NTHL1: variants seen among roughly 807,000 people sequenced by gnomAD.
NTHL1 encodes the protein nth like DNA glycosylase 1, also known as endonuclease III-like protein 1.
In NTHL1, 32 loss-of-function variants were observed where a neutral mutation model predicts 32.3. The observed-to-expected ratio is 0.99, with a 90% CI of 0.75 to 1.33. The LOEUF is 1.33. Among genes scored for constraint, NTHL1 ranks in the 40% most tolerant of loss-of-function variants. The probability of loss-of-function intolerance (pLI) is 0.00; values close to 1 mark genes in which losing one functional copy is unlikely to be tolerated. For missense variants in NTHL1, 501 were observed against 414.1 expected (o/e 1.21, Z -1.82); for synonymous variants, 188 against 176.9 (o/e 1.06, Z -0.50).
Position 2,040,207 on chromosome 16 carries a change from G to C in NTHL1, c.717C>G (p.Asn239Lys), listed in dbSNP as rs1475205147. 1.2e-6 allele frequency: 2 copies of C among 1,613,870 alleles called. No homozygotes were observed. Among genetic ancestry groups the C allele is most frequent in the South Asian group, 2.2e-5 (2 of 91,090 alleles). The part of the protein sequence containing the change: ...AVDTHVHRIA[N>K]RLRWTKKATK... ...TTGCCTTCTTGGTCCACCTCAGCCT[G>C]TTGGCGATTCTGTGCACATGCGTGT... The change falls in exon 5 of 6, where the codon AAC becomes AAG. Residue 239 changes from asparagine to lysine, a missense_variant. Coordinates refer to ENST00000651570, the MANE Select transcript of NTHL1 (RefSeq NM_002528.7).
intron 4 of NTHL1, among the ~76,000 whole-genome samples, chr16:2,040,993 G>C (rs1335666407): frequency 6.6e-6 from 1 of 152,218 alleles, no homozygotes; most frequent in Non-Finnish European, 1.5e-5. Context: ...GTCCACCTGG[G>C]TTCTGGCTCC....
chr16:2,043,192 A>T lies in NTHL1; in HGVS notation c.685+375T>A, dbSNP rs2084292704. ...TTGCTCTGCAGCTCTCAGGTGAAGGATGACCTTGGGGGCCTTCCCAGAGGC... is the reference window on the plus strand; with the variant it reads ...TTGCTCTGCAGCTCTCAGGTGAAGGTTGACCTTGGGGGCCTTCCCAGAGGC... On this transcript the variant is annotated intron_variant, in intron 4 of 5. Transcript: ENST00000651570. The surrounding 1 kb of genome is among the most constrained non-coding windows in gnomAD (Gnocchi z 4.4). 6.6e-6 allele frequency among the ~76,000 whole-genome samples: 1 copy of T among 151,028 alleles called. No individual in the cohort carries two copies. Among genetic ancestry groups the T allele is most frequent in the African/African-American group, 2.4e-5 (1 of 40,986 alleles).
At position 2,043,774 on chromosome 16, in the gene NTHL1, A is replaced by T. The variant is rs1265770362; in HGVS notation, c.526-48T>A. 1 of 1,605,112 alleles carries T rather than the reference A, an allele frequency of 6.2e-7. No homozygotes were observed. Among genetic ancestry groups the T allele is most frequent in the South Asian group, 1.1e-5 (1 of 90,914 alleles). ...GCCTTGGAGGCAAGGGCACAGCCCA[A>T]CCTGGGAGGATGCAGCCCCCAGGAG... On this transcript the variant is annotated intron_variant, in intron 3 of 5. Transcript: ENST00000651570. This position sits in a 1 kb window ranked among gnomAD's most constrained non-coding sequence, Gnocchi z 4.4.
intron 2 of NTHL1, 118 bp downstream of exon 2, chr16:2,046,010 C>G (rs2150943852): frequency 1.3e-6 from 1 of 776,688 alleles, no homozygotes; most frequent in East Asian, 2.4e-5. Context: ...CACCGGGTGT[C>G]CATCCTCCCA....
intron 2 of NTHL1, among the ~76,000 whole-genome samples, chr16:2,045,427 C>T (rs2084332019): frequency 1.3e-5 from 2 of 152,154 alleles, no homozygotes; most frequent in African/African-American, 2.4e-5. Flanking sequence ...AATCATCACA[C>T]TACCCTTTAA....
chr16:2,040,444 A>G lies in NTHL1; in HGVS notation c.686-206T>C. 6.3e-6 allele frequency: 4 copies of G among 634,514 alleles called. No individual in the cohort carries two copies. In the South Asian group the frequency reaches 7.1e-5, roughly 11 times the overall value. The allele number at this position is 634,514 out of a possible 1,614,324, so 39.3% of individuals were successfully genotyped here. On this transcript the variant is annotated intron_variant, in intron 4 of 5. Coordinates refer to ENST00000651570, the MANE Select transcript of NTHL1 (RefSeq NM_002528.7). ...GGGGCTGAGCCCTCTGTTGGGGTGC[A>G]GGCCTCTCTCCCATCACCTGAGCCA...
At position 2,044,310 on chromosome 16, in the gene NTHL1, GGGGT is replaced by G. The variant is rs1271261726; in HGVS notation, c.525+316_525+319del. Among the ~76,000 whole-genome samples, 1 of 152,224 alleles carries G rather than the reference GGGGT, an allele frequency of 6.6e-6. No individual in the cohort carries two copies. The highest frequency in any genetic ancestry group is 1.5e-5 in the Non-Finnish European group (1 of 68,034). On this transcript the variant is annotated intron_variant, in intron 3 of 5. Transcript: ENST00000651570. This position sits in a 1 kb window ranked among gnomAD's most constrained non-coding sequence, Gnocchi z 5.0. Reference sequence around the variant, plus strand: ...GAGGGTGAGGGGCTCTGGACAGGAGGGGGTGACACACCGGGAGAGGCTAGCAGTA... The same window carrying G: ...GAGGGTGAGGGGCTCTGGACAGGAGGGACACACCGGGAGAGGCTAGCAGTA...
At position 2,043,217 on chromosome 16, in the gene NTHL1, C is replaced by T. The variant is rs1214053296; in HGVS notation, c.685+350G>A. Among the ~76,000 whole-genome samples the T allele has an allele frequency of 4.6e-5, 7 of 151,696 alleles. No individual in the cohort carries two copies. The highest frequency in any genetic ancestry group is 1.0e-4 in the Non-Finnish European group (7 of 67,922). On this transcript the variant is annotated intron_variant, in intron 4 of 5. Transcript: ENST00000651570. This position sits in a 1 kb window ranked among gnomAD's most constrained non-coding sequence, Gnocchi z 4.4. The stretch of plus-strand genomic sequence containing the variant: ...ATGACCTTGGGGGCCTTCCCAGAGG[C>T]CCTGGGCCCAAGCCAGGCCCCAAGA...
chr16:2,043,658 G>C lies in NTHL1; in HGVS notation c.594C>G (p.Ala198=), dbSNP rs1372740198. Reference sequence around the variant, plus strand: ...GCAGCGCCACCAGCTCGGCCACAGAGGCTGGGATGTCCCCACCGTAGTGCT... The same window carrying C: ...GCAGCGCCACCAGCTCGGCCACAGACGCTGGGATGTCCCCACCGTAGTGCT... ...LQQHYGGDIP[A]SVAELVALPG... is the part of the protein sequence containing the mutation. Residue 198 remains alanine, a synonymous_variant, in exon 4 of 6, where the codon GCC becomes GCG. Transcript: ENST00000651570. This position sits in a 1 kb window ranked among gnomAD's most constrained non-coding sequence, Gnocchi z 4.4. 1.2e-6 allele frequency: 2 copies of C among 1,611,914 alleles called. No individual in the cohort carries two copies. The highest frequency in any genetic ancestry group is 2.7e-5 in the African/African-American group (2 of 74,940).
chr16:2,047,519 C>T (rs1024969124), intron 1 of NTHL1, 190 bp downstream of exon 1: 18 of 980,666 alleles, frequency 1.8e-5, no homozygotes, highest in Non-Finnish European at 2.6e-5. Flanking sequence ...CGAAACCCAG[C>T]CCCTGCGGAC....
chr16:2,047,568 G>A, intron 1 of NTHL1, 141 bp downstream of exon 1: 1 of 1,332,326 alleles, frequency 7.5e-7, no homozygotes, highest in Non-Finnish European at 9.9e-7. Flanking sequence ...GGGAACGCAG[G>A]GCCGCACGTG....
At chr16:2,047,510 G>A (rs776486165) in intron 1 of NTHL1, 199 bp downstream of exon 1, 243 of 915,032 alleles carry the variant, frequency 2.7e-4, no homozygotes, top group Non-Finnish European at 3.7e-4. Flanking sequence ...CGGAGCGCCC[G>A]AAACCCAGCC....
At position 2,039,912 on chromosome 16, in the gene NTHL1, G is replaced by A; in HGVS notation, c.*12C>T. 1 of 1,600,264 alleles carries A rather than the reference G, an allele frequency of 6.2e-7. No homozygotes were observed. The highest frequency in any genetic ancestry group is 2.2e-5 in the East Asian group (1 of 44,872). The stretch of plus-strand genomic sequence containing the variant: ...TGGCCACAGCGGCACCTCGGCCAGA[G>A]CCATGCGGCCATCAGAGACCCTGGG... On this transcript the variant is annotated 3_prime_UTR_variant, in exon 6 of 6. Transcript: ENST00000651570.
chr16:2,046,411 A>C, intron 1 of NTHL1, 45 bp from the exon 2 acceptor site: 1 of 1,565,550 alleles, frequency 6.4e-7, no homozygotes, highest in Non-Finnish European at 8.7e-7. Context: ...CCACAGGTGA[A>C]GGTAGGGTAG....
At chr16:2,045,378 T>C (rs2084330807) in intron 2 of NTHL1, among the ~76,000 whole-genome samples, 1 of 152,068 alleles carries the variant, frequency 6.6e-6, no homozygotes, top group Admixed American at 6.6e-5. Context: ...CCATCACTAC[T>C]GAACAGCCAT....
chr16:2,044,928 C>T lies in NTHL1; in HGVS notation c.355-128G>A, dbSNP rs930291472. ...GCCACACTTGAGGCATCAGCCTCCC[C>T]CTGTGGGGTGGGGAGGTCTGGTTTG... On this transcript the variant is annotated intron_variant, in intron 2 of 5. Transcript: ENST00000651570. The surrounding 1 kb of genome is among the most constrained non-coding windows in gnomAD (Gnocchi z 5.0). 52 of 1,092,338 alleles carry T rather than the reference C, an allele frequency of 4.8e-5. No homozygotes were observed. The highest frequency in any genetic ancestry group is 4.5e-4 in the South Asian group (28 of 62,368). The allele number at this position is 1,092,338 out of a possible 1,614,324, so 67.7% of individuals were successfully genotyped here.
chr16:2,042,867 C>T (rs1478365996), intron 4 of NTHL1, among the ~76,000 whole-genome samples: 1 of 93,450 alleles, frequency 1.1e-5, no homozygotes, highest in East Asian at 3.4e-4. Context: ...ATCCTCCCAG[C>T]GCCTCCCTCC....
chr16:2,044,735 C>T lies in NTHL1; in HGVS notation c.420G>A (p.Ala140=), dbSNP rs768014084. The change falls in exon 3 of 6, where the codon GCG becomes GCA. Residue 140 remains alanine, a synonymous_variant. Transcript: ENST00000651570. The surrounding 1 kb of genome is among the most constrained non-coding windows in gnomAD (Gnocchi z 5.0). ...LSSQTKDQVT[A]GAMQRLRARG... ...GCGCCCGCAGTCGCTGCATGGCGCC[C>T]GCCGTCACCTGGTCTTTGGTTTGGC... The T allele has an allele frequency of 1.4e-5, 22 of 1,612,096 alleles. No individual in the cohort carries two copies. The highest frequency in any genetic ancestry group is 6.7e-5 in the East Asian group (3 of 44,850).
Position 2,044,852 on chromosome 16 carries a change from C to T in NTHL1, c.355-52G>A. On this transcript the variant is annotated intron_variant, in intron 2 of 5. Coordinates refer to ENST00000651570, the MANE Select transcript of NTHL1 (RefSeq NM_002528.7). This position sits in a 1 kb window ranked among gnomAD's most constrained non-coding sequence, Gnocchi z 5.0. Reference sequence around the variant, plus strand: ...GTGGCGGCGGGTCCTGGGTGATTCCCTGGCCAGGCTCCGCCCCCCGCCCTC... The same window carrying T: ...GTGGCGGCGGGTCCTGGGTGATTCCTTGGCCAGGCTCCGCCCCCCGCCCTC... The T allele has an allele frequency of 6.6e-7, 1 of 1,522,012 alleles. No individual in the cohort carries two copies. Among genetic ancestry groups the T allele is most frequent in the Non-Finnish European group, 8.9e-7 (1 of 1,128,836 alleles). 94.3% of individuals were successfully genotyped at this position (1,522,012 alleles called of 1,614,324 possible). A position where few individuals can be genotyped will look rare whatever the true frequency, so the allele number is the denominator to read the frequency against.
Sources: allele counts gnomAD v4.1 joint callset (sites outside exome capture counted in the v4.1 genomes callset), GRCh38; gene constraint gnomAD v4.1.1; non-coding constraint Gnocchi (gnomAD v3.1); transcripts MANE v1.5; gene names NCBI Gene and HGNC (gene_info 2026-07-23, HGNC 2026-07-21).